KRT7: variants seen among roughly 807,000 people sequenced by gnomAD.
KRT7 encodes keratin, type II cytoskeletal 7.
In KRT7, 50 loss-of-function variants were observed where a neutral mutation model predicts 42.8. The ratio of observed to expected loss-of-function variants is 1.17; its 90% confidence interval spans 0.93 to 1.48. The LOEUF is 1.48. Ranked by LOEUF, KRT7 falls within the 40% of genes most tolerant of loss-of-function variation. KRT7 has a pLI of 0.00. For synonymous variants in KRT7, 268 were observed against 266.3 expected, an observed-to-expected ratio of 1.01 and a Z score of -0.06; for missense variants, 588 against 637.6, an observed-to-expected ratio of 0.92 and a Z score of 0.84.
At chr12:52,251,925 G>A (rs1226414893), downstream of KRT7, 3 of 504,176 alleles carry the variant, frequency 6.0e-6, no homozygotes, top group Non-Finnish European at 1.1e-5. Flanking sequence ...AGACTACATG[G>A]CCCACGAGCC....
chr12:52,253,707 T>C (rs1429231084), downstream of KRT7: 1 of 1,367,924 alleles, frequency 7.3e-7, no homozygotes, highest in Non-Finnish European at 1.0e-6. Flanking sequence ...GTCCCGACTG[T>C]TGTCCATCTT....
At chr12:52,250,541 G>T, downstream of KRT7, 4 of 1,123,454 alleles carry the variant, frequency 3.6e-6, no homozygotes, top group Non-Finnish European at 5.1e-6. Flanking sequence ...TCACCGCCAC[G>T]TTCCCGCTGC....
At chr12:52,253,055 C>T (rs540187704), downstream of KRT7, among the ~76,000 whole-genome samples, 8 of 152,300 alleles carry the variant, frequency 5.3e-5, no homozygotes, top group Admixed American at 2.0e-4. Flanking sequence ...CTCCATTCAG[C>T]GAGAATGGAG....
intron 7 of KRT7, chr12:52,247,247 G>T (rs1390642301): frequency 6.6e-6 from 1 of 152,178 alleles, no homozygotes; most frequent in Non-Finnish European, 1.5e-5. Context: ...GAGTTCCTTA[G>T]GCATCGTACC....
chr12:52,240,695 T>C (rs1317642844), intron 4 of KRT7, among the ~76,000 whole-genome samples: 1 of 152,196 alleles, frequency 6.6e-6, no homozygotes, highest in East Asian at 1.9e-4. Context: ...TGTGTCTACC[T>C]TTCCAGACTT....
chr12:52,251,784 A>G, downstream of KRT7: 1 of 357,262 alleles, frequency 2.8e-6, no homozygotes, highest in Non-Finnish European at 5.5e-6. Context: ...TAGAGTCTGC[A>G]AACTACGGCC....
At chr12:52,235,024 G>A in intron 1 of KRT7, 131 bp from the exon 2 acceptor site, 1 of 801,088 alleles carries the variant, frequency 1.2e-6, no homozygotes, top group Admixed American at 2.4e-5. Flanking sequence ...GGAGAGGGCT[G>A]GAAGCCCCAG....
chr12:52,245,283 TG>T, intron 6 of KRT7, 128 bp from the exon 7 acceptor site: 1 of 833,020 alleles, frequency 1.2e-6, no homozygotes, highest in Non-Finnish European at 1.9e-6. Flanking sequence ...TAGGATTCTC[TG>T]GTACTTGGGG....
rs1348719941 is a variant in KRT7 at position 52,237,533 on chromosome 12, C to T, written c.561C>T (p.Arg187=). 1 of 1,612,234 alleles carries T rather than the reference C, an allele frequency of 6.2e-7. No homozygotes were observed. The highest frequency in any genetic ancestry group is 2.2e-5 in the East Asian group (1 of 44,774). ...GGTACGAAGATGAAATTAACCACCG[C>T]ACAGCTGCTGAGAATGAGTTTGTGG... The part of the protein sequence containing the change: ...KNKYEDEINH[R]TAAENEFVVL... Residue 187 remains arginine, a synonymous_variant, in exon 3 of 9, where the codon CGC becomes CGT. Transcript: ENST00000331817.
chr12:52,233,765 G>C (rs573263398), intron 1 of KRT7, 145 bp downstream of exon 1: 1 of 825,190 alleles, frequency 1.2e-6, no homozygotes, highest in South Asian at 1.4e-5. Flanking sequence ...ACACGATCTG[G>C]GGGTCCTTCC....
chr12:52,235,472 G>A (rs560766087), intron 2 of KRT7, 106 bp downstream of exon 2: 115 of 944,590 alleles, frequency 1.2e-4, no homozygotes, highest in Non-Finnish European at 1.5e-4. Flanking sequence ...GCATGCAGCT[G>A]CTCAGTCCAA....
At chr12:52,242,750 G>A (rs1942111658) in intron 5 of KRT7, among the ~76,000 whole-genome samples, 1 of 152,114 alleles carries the variant, frequency 6.6e-6, no homozygotes, top group South Asian at 2.1e-4. Flanking sequence ...CCAGCAGAAG[G>A]GCATGGTGGG....
downstream of KRT7, among the ~76,000 whole-genome samples, chr12:52,254,072 T>G (rs2121136841): frequency 6.6e-6 from 1 of 152,264 alleles, no homozygotes; most frequent in East Asian, 1.9e-4. Context: ...CAATTGTCAC[T>G]TTAGTAACCA....
downstream of KRT7, chr12:52,252,363 A>C (rs762584178): frequency 1.9e-5 from 31 of 1,613,934 alleles, no homozygotes; most frequent in African/African-American, 6.7e-5. Flanking sequence ...CAGGCAGGCC[A>C]TGTCCTGCTT....
At chr12:52,236,023 C>T (rs1185145770) in intron 2 of KRT7, among the ~76,000 whole-genome samples, 1 of 152,124 alleles carries the variant, frequency 6.6e-6, no homozygotes, top group Non-Finnish European at 1.5e-5. Context: ...TTTTTGCACT[C>T]TTTTCTCATT....
chr12:52,250,599 C>A, downstream of KRT7: 3 of 1,207,692 alleles, frequency 2.5e-6, no homozygotes, highest in South Asian at 2.6e-5. Flanking sequence ...GCCCGACACG[C>A]ACAGGTCCCC....
At chr12:52,250,585 G>A (rs999137817), downstream of KRT7, 13 of 1,266,736 alleles carry the variant, frequency 1.0e-5, no homozygotes, top group Admixed American at 1.4e-4. Flanking sequence ...GTCACCGGCC[G>A]GGAGCCCGAC....
At chr12:52,243,187 G>A (rs768834527) in intron 6 of KRT7, 50 bp downstream of exon 6, 3 of 1,558,114 alleles carry the variant, frequency 1.9e-6, no homozygotes, top group East Asian at 2.3e-5. Context: ...ATGCAGGGGT[G>A]GCCAGCTGAG....
downstream of KRT7, chr12:52,253,537 T>G: frequency 6.3e-7 from 1 of 1,599,768 alleles, no homozygotes; most frequent in Non-Finnish European, 8.5e-7. Flanking sequence ...GGAAGCCTAT[T>G]TAATAGGTAC....
Sources: gnomAD v4.1 joint callset for allele counts (sites outside exome capture counted in the v4.1 genomes callset) on GRCh38, gnomAD v4.1.1 for gene constraint, MANE v1.5 for transcripts, NCBI Gene and HGNC (gene_info 2026-07-23, HGNC 2026-07-21) for gene names.